Variants in TMEM132B observed in about 807,000 individuals in gnomAD.
TMEM132B encodes transmembrane protein 132B.
A neutral mutation model predicts 90.8 loss-of-function variants in TMEM132B; 18 were observed. That is an observed-to-expected ratio of 0.20 (90% CI 0.14 to 0.29). TMEM132B has a LOEUF of 0.29. TMEM132B is among the 10% of genes least tolerant of loss of function. The pLI, the probability that TMEM132B is intolerant of heterozygous loss-of-function variation, is 1.00. For synonymous variants in TMEM132B, 504 were observed against 523.3 expected, an observed-to-expected ratio of 0.96 and a Z score of 0.50; for missense variants, 1,096 against 1,326.8, an observed-to-expected ratio of 0.83 and a Z score of 2.70.
At chr12:125,279,804 A>G (rs1375380263) in intron 1 of TMEM132B, among the ~76,000 whole-genome samples, 1 of 152,212 alleles carries the variant, frequency 6.6e-6, no homozygotes, top group African/African-American at 2.4e-5. Flanking sequence ...CTCTAACAGG[A>G]TGGTTCATTG....
chr12:125,295,879 G>A (rs915342926), intron 1 of TMEM132B, among the ~76,000 whole-genome samples: 1 of 152,142 alleles, frequency 6.6e-6, no homozygotes, highest in Non-Finnish European at 1.5e-5. Context: ...ACAATCAGGC[G>A]GCACTTAGCA....
intron 1 of TMEM132B, among the ~76,000 whole-genome samples, chr12:125,245,287 T>G (rs1874181013): frequency 4.8e-5 from 6 of 123,850 alleles, no homozygotes; most frequent in Non-Finnish European, 4.9e-5. Context: ...CCCACTGCAG[T>G]TCAGGAGGGA....
At chr12:125,255,728 C>T (rs954630911) in intron 1 of TMEM132B, among the ~76,000 whole-genome samples, 8 of 152,058 alleles carry the variant, frequency 5.3e-5, no homozygotes, top group Non-Finnish European at 8.8e-5. Context: ...ATTTTGATCT[C>T]ACAGGGGCAG....
intron 5 of TMEM132B, among the ~76,000 whole-genome samples, chr12:125,596,036 A>G (rs1391184181): frequency 6.6e-6 from 1 of 152,154 alleles, no homozygotes; most frequent in Admixed American, 6.5e-5. Context: ...ACATGAAAAG[A>G]ATGAAACAGG....
At chr12:125,480,262 G>A (rs1882002615) in intron 3 of TMEM132B, among the ~76,000 whole-genome samples, 2 of 152,090 alleles carry the variant, frequency 1.3e-5, no homozygotes, top group Admixed American at 1.3e-4. Flanking sequence ...TAAGATCAGA[G>A]CAGAACTGAA....
chr12:125,589,592 A>G (rs1885272305), intron 5 of TMEM132B, among the ~76,000 whole-genome samples: 1 of 151,914 alleles, frequency 6.6e-6, no homozygotes, highest in Non-Finnish European at 1.5e-5. Context: ...CATGGTTCTG[A>G]TCTGCTCAGC....
chr12:125,607,375 C>T (rs541749671), intron 5 of TMEM132B, among the ~76,000 whole-genome samples: 1 of 152,268 alleles, frequency 6.6e-6, no homozygotes, highest in Non-Finnish European at 1.5e-5. Flanking sequence ...GAAAATGGAA[C>T]GAGGTATAGA....
intron 2 of TMEM132B, among the ~76,000 whole-genome samples, chr12:125,358,475 G>A (rs1877857107): frequency 6.6e-6 from 1 of 152,012 alleles, no homozygotes; most frequent in Non-Finnish European, 1.5e-5. Flanking sequence ...CCACAGCACA[G>A]GGTTGTTATA....
At chr12:125,538,482 A>G (rs1201143716) in intron 4 of TMEM132B, among the ~76,000 whole-genome samples, 1 of 152,222 alleles carries the variant, frequency 6.6e-6, no homozygotes, top group Non-Finnish European at 1.5e-5. Context: ...CAGCTGTTAG[A>G]CAGTCACTTG....
At chr12:125,649,288 C>T (rs1886847778) in intron 6 of TMEM132B, among the ~76,000 whole-genome samples, 1 of 152,200 alleles carries the variant, frequency 6.6e-6, no homozygotes, top group African/African-American at 2.4e-5. Context: ...TGCCAGCTAT[C>T]TGGGCTACAT....
At chr12:125,614,331 G>A (rs1390539859) in intron 5 of TMEM132B, among the ~76,000 whole-genome samples, 4 of 152,108 alleles carry the variant, frequency 2.6e-5, no homozygotes, top group African/African-American at 9.7e-5. Flanking sequence ...TGTGCTCAAT[G>A]TTTAGTTGCC....
At chr12:125,383,798 A>C (rs1419839006) in intron 2 of TMEM132B, among the ~76,000 whole-genome samples, 2 of 152,256 alleles carry the variant, frequency 1.3e-5, no homozygotes, top group African/African-American at 2.4e-5. Context: ...CGAAGGCTCT[A>C]AAATGCCTTG....
chr12:125,283,801 C>G (rs966285061), intron 1 of TMEM132B, among the ~76,000 whole-genome samples: 13 of 152,242 alleles, frequency 8.5e-5, no homozygotes, highest in African/African-American at 3.1e-4. Flanking sequence ...CTGTCTGCCA[C>G]TCCCTCTGGA....
chr12:125,581,832 C>T (rs1257118554), intron 4 of TMEM132B, among the ~76,000 whole-genome samples: 1 of 152,004 alleles, frequency 6.6e-6, no homozygotes, highest in African/African-American at 2.4e-5. Context: ...CATTACCCCA[C>T]CTAGGTGAGT....
chr12:125,269,802 G>T (rs377648985), intron 1 of TMEM132B, among the ~76,000 whole-genome samples: 2 of 152,050 alleles, frequency 1.3e-5, no homozygotes, highest in Non-Finnish European at 2.9e-5. Context: ...ATCCAGAACT[G>T]GTATGGCAGC....
chr12:125,456,838 TTTTA>T (rs1881304581), intron 3 of TMEM132B, among the ~76,000 whole-genome samples: 4 of 152,322 alleles, frequency 2.6e-5, no homozygotes, highest in African/African-American at 2.4e-5. Flanking sequence ...ACTTTGTGAA[TTTTA>T]TTTGTTTTTC....
chr12:125,463,948 A>T (rs1361677380), intron 3 of TMEM132B, among the ~76,000 whole-genome samples: 1 of 152,192 alleles, frequency 6.6e-6, no homozygotes, highest in Non-Finnish European at 1.5e-5. Flanking sequence ...AAAGAGAGCA[A>T]GAGCAAGGAA....
intron 2 of TMEM132B, among the ~76,000 whole-genome samples, chr12:125,409,710 GT>G (rs1278626764): frequency 1.3e-4 from 5 of 39,742 alleles, no homozygotes; most frequent in Non-Finnish European, 9.7e-5. Flanking sequence ...GTGGAGTGGA[GT>G]GAGTGGAGTG....
In TMEM132B at chr12:125,406,306, G is replaced by A. The variant is rs1182233316; in HGVS notation, c.960-9225G>A. ...TTTCCTCATGTGGAAAATGGAAGCAGAAGCGATACTACCCCTGCGGGGTTG... is the reference window on the plus strand; with the variant it reads ...TTTCCTCATGTGGAAAATGGAAGCAAAAGCGATACTACCCCTGCGGGGTTG... On this transcript the variant is annotated intron_variant, in intron 2 of 8. Coordinates refer to ENST00000682704, the MANE Select transcript of TMEM132B (RefSeq NM_001366854.1). This position sits in a 1 kb window ranked among gnomAD's most constrained non-coding sequence, Gnocchi z 8.3. 6.6e-6 allele frequency among the ~76,000 whole-genome samples: 1 copy of A among 152,226 alleles called. No individual in the cohort carries two copies. Among genetic ancestry groups the A allele is most frequent in the East Asian group, 1.9e-4 (1 of 5,188 alleles).
Sources: allele counts gnomAD v4.1 joint callset (sites outside exome capture counted in the v4.1 genomes callset), GRCh38; gene constraint gnomAD v4.1.1; non-coding constraint Gnocchi (gnomAD v3.1); transcripts MANE v1.5; gene names NCBI Gene and HGNC (gene_info 2026-07-23, HGNC 2026-07-21).